The following ZFAND6 variants were observed in gnomAD, a reference collection of about 807,000 sequenced individuals.
ZFAND6 encodes AN1-type zinc finger protein 6.
ZFAND6 carries 12 observed loss-of-function variants against 24.5 expected under a neutral mutation model. The ratio of observed to expected loss-of-function variants is 0.49; its 90% CI spans 0.31 to 0.79. The LOEUF (loss-of-function observed/expected upper bound fraction) is 0.79, where lower values mean the gene tolerates loss of function less well. ZFAND6 is among the 30% of genes least tolerant of loss of function. ZFAND6 has a pLI of 0.04. For synonymous variants in ZFAND6, 92 were observed against 81.5 expected, an observed-to-expected ratio of 1.13 and a Z score of -0.69; for missense variants, 207 against 245.9, an observed-to-expected ratio of 0.84 and a Z score of 1.06.
Position 80,101,583 on chromosome 15 carries a change from C to T in ZFAND6, c.-18+3005C>T, listed in dbSNP as rs142377041. The stretch of plus-strand genomic sequence containing the variant: ...GACTGATGGCTACTGTGTTGGACAA[C>T]ACTGTTCTAGATAGTTGGTTTCACT... On this transcript the variant is annotated intron_variant, in intron 2 of 6. Coordinates refer to ENST00000261749, the MANE Select transcript of ZFAND6 (RefSeq NM_019006.4). Among the ~76,000 whole-genome samples the T allele has an allele frequency of 1.6e-3, 251 of 152,214 alleles. 1 individual carries two copies. Among genetic ancestry groups the T allele is most frequent in the African/African-American group, 5.9e-3 (243 of 41,534 alleles).
At chr15:80,064,994 CTCT>C (rs1474456486) in intron 1 of ZFAND6, among the ~76,000 whole-genome samples, 4 of 116,428 alleles carry the variant, frequency 3.4e-5, no homozygotes, top group African/African-American at 6.2e-5. Flanking sequence ...TGCTCTCTCT[CTCT>C]CCCCCTTTTT....
intron 1 of ZFAND6, among the ~76,000 whole-genome samples, chr15:80,096,230 T>A (rs547308618): frequency 6.6e-6 from 1 of 152,344 alleles, no homozygotes; most frequent in South Asian, 2.1e-4. Flanking sequence ...CTCAGTGGTG[T>A]CTGTTATATC....
chr15:80,123,076 T>C (rs780827797), intron 5 of ZFAND6: 29 of 266,308 alleles, frequency 1.1e-4, no homozygotes, highest in Non-Finnish European at 1.9e-4. Flanking sequence ...TACACTGTTC[T>C]CTTTTACTAT....
intron 5 of ZFAND6, among the ~76,000 whole-genome samples, chr15:80,126,950 A>G (rs2040392932): frequency 1.3e-5 from 2 of 151,868 alleles, no homozygotes; most frequent in African/African-American, 4.8e-5. Flanking sequence ...CCATCTGTAC[A>G]AAAAATAGCC....
Position 80,075,799 on chromosome 15 carries a change from C to T in ZFAND6, c.-181+15990C>T, listed in dbSNP as rs531570042. On this transcript the variant is annotated intron_variant, in intron 1 of 6. Coordinates refer to ENST00000261749, the MANE Select transcript of ZFAND6 (RefSeq NM_019006.4). ...TTGGTTTTCTGTGTTTGTATGCCAT[C>T]GGAGAAAATGAACTCGAAACAGTTT... is the stretch of plus-strand genomic sequence containing the variant. 6.6e-5 allele frequency among the ~76,000 whole-genome samples: 10 copies of T among 152,172 alleles called. No individual in the cohort carries two copies. The South Asian group carries it at 2.1e-3, about 32-fold the overall frequency.
At chr15:80,066,276 G>A (rs886783458) in intron 1 of ZFAND6, among the ~76,000 whole-genome samples, 3 of 151,882 alleles carry the variant, frequency 2.0e-5, no homozygotes, top group African/African-American at 7.3e-5. Context: ...TGGTACCAAG[G>A]TGTGTATGGG....
At chr15:80,128,014 G>A (rs1177562824) in intron 5 of ZFAND6, among the ~76,000 whole-genome samples, 1 of 152,170 alleles carries the variant, frequency 6.6e-6, no homozygotes, top group East Asian at 1.9e-4. Flanking sequence ...CAAAGAGGAA[G>A]GAAATTCTGA....
chr15:80,074,608 T>C (rs1458530585), intron 1 of ZFAND6, among the ~76,000 whole-genome samples: 1 of 151,948 alleles, frequency 6.6e-6, no homozygotes, highest in African/African-American at 2.4e-5. Context: ...CTTTTATGAA[T>C]AATTACAGGC....
At chr15:80,073,814 T>G (rs578195511) in intron 1 of ZFAND6, among the ~76,000 whole-genome samples, 11 of 152,074 alleles carry the variant, frequency 7.2e-5, no homozygotes, top group Non-Finnish European at 1.0e-4. Flanking sequence ...ACTATGTAAT[T>G]CTCTTAAATT....
chr15:80,063,534 G>C (rs2036446434), intron 1 of ZFAND6, among the ~76,000 whole-genome samples: 1 of 151,246 alleles, frequency 6.6e-6, no homozygotes, highest in Non-Finnish European at 1.5e-5. Context: ...TGAGACTACA[G>C]ACATGCACCA....
At chr15:80,115,459 C>T (rs1290628400) in intron 2 of ZFAND6, among the ~76,000 whole-genome samples, 1 of 152,122 alleles carries the variant, frequency 6.6e-6, no homozygotes, top group African/African-American at 2.4e-5. Flanking sequence ...CTTTTCTCCC[C>T]TTATCCCTTT....
intron 2 of ZFAND6, among the ~76,000 whole-genome samples, chr15:80,109,497 A>G (rs1311122685): frequency 6.6e-6 from 1 of 152,208 alleles, no homozygotes; most frequent in Non-Finnish European, 1.5e-5. Context: ...ATTTCTGGAA[A>G]GTAGAAGGAA....
intron 1 of ZFAND6, among the ~76,000 whole-genome samples, chr15:80,069,177 T>C (rs1389126465): frequency 6.6e-6 from 1 of 152,244 alleles, no homozygotes; most frequent in African/African-American, 2.4e-5. Flanking sequence ...CTATTTTCTC[T>C]TAGTTTTTCT....
At chr15:80,085,059 G>A (rs2037908047) in intron 1 of ZFAND6, among the ~76,000 whole-genome samples, 1 of 152,128 alleles carries the variant, frequency 6.6e-6, no homozygotes, top group South Asian at 2.1e-4. Context: ...TCTTTCAAAG[G>A]ACGCCACTTT....
chr15:80,102,964 C>G (rs1034909112), intron 2 of ZFAND6, among the ~76,000 whole-genome samples: 2 of 152,118 alleles, frequency 1.3e-5, no homozygotes, highest in Admixed American at 1.3e-4. Context: ...AGTATATAGC[C>G]TTGGTACTTT....
intron 6 of ZFAND6, among the ~76,000 whole-genome samples, chr15:80,134,222 G>T (rs986361723): frequency 1.3e-5 from 2 of 151,962 alleles, no homozygotes; most frequent in African/African-American, 2.4e-5. Context: ...ACTCCTGATC[G>T]CAGGTGATCC....
rs189391334 is a variant in ZFAND6, at chr15:80,124,820, A to C, written c.364+2020A>C. Reference sequence around the variant, plus strand: ...AGCAAATCTTTGATAAATTAGGTATAAGTTTCATCTCAGTTTTAAGAGAGG... The same window carrying C: ...AGCAAATCTTTGATAAATTAGGTATCAGTTTCATCTCAGTTTTAAGAGAGG... On this transcript the variant is annotated intron_variant, in intron 5 of 6. Transcript: ENST00000261749. Among the ~76,000 whole-genome samples the C allele has an allele frequency of 2.6e-5, 4 of 152,312 alleles. No individual in the cohort carries two copies. In the East Asian group the frequency reaches 7.7e-4, roughly 29 times the overall value.
intron 2 of ZFAND6, among the ~76,000 whole-genome samples, chr15:80,118,042 A>G (rs1323997473): frequency 2.5e-5 from 2 of 78,730 alleles, no homozygotes; most frequent in East Asian, 2.1e-4. Context: ...GTGTATATGT[A>G]TGTATATACA....
At chr15:80,127,806 A>G (rs1011766740) in intron 5 of ZFAND6, among the ~76,000 whole-genome samples, 1 of 152,188 alleles carries the variant, frequency 6.6e-6, no homozygotes, top group Non-Finnish European at 1.5e-5. Flanking sequence ...ACAAAAAATT[A>G]AAAAGAATTG....
Sources: gnomAD v4.1 joint callset for allele counts (sites outside exome capture counted in the v4.1 genomes callset) on GRCh38, gnomAD v4.1.1 for gene constraint, MANE v1.5 for transcripts, NCBI Gene and HGNC (gene_info 2026-07-23, HGNC 2026-07-21) for gene names.